The following NDST3 variants were observed in gnomAD, a reference collection of about 807,000 sequenced individuals.
NDST3 encodes the protein bifunctional heparan sulfate N-deacetylase/N-sulfotransferase 3.
In NDST3, 58 loss-of-function variants were observed where a neutral mutation model predicts 96.1. That is an observed-to-expected ratio of 0.60 (90% CI 0.49 to 0.75). The LOEUF (loss-of-function observed/expected upper bound fraction) is 0.75. Ranked by LOEUF, NDST3 falls within the 30% of genes least tolerant of loss-of-function variation. The pLI is 0.00. For missense variants in NDST3, 788 were observed against 1,034.2 expected, an observed-to-expected ratio of 0.76 and a Z score of 3.27; for synonymous variants, 333 against 359.7, an observed-to-expected ratio of 0.93 and a Z score of 0.84.
chr4:118,234,746 C>A (rs911730564), intron 9 of NDST3, among the ~76,000 whole-genome samples: 1 of 151,826 alleles, frequency 6.6e-6, no homozygotes, highest in Admixed American at 6.6e-5. Flanking sequence ...AACAAAAAGT[C>A]CAGCTGGGCA....
chr4:118,045,850 A>T (rs1201181595), intron 1 of NDST3, among the ~76,000 whole-genome samples: 1 of 152,098 alleles, frequency 6.6e-6, no homozygotes, highest in Non-Finnish European at 1.5e-5. Flanking sequence ...CTTATGTAGA[A>T]TCACAGGACC....
At chr4:118,236,874 C>T (rs1740680444) in intron 9 of NDST3, among the ~76,000 whole-genome samples, 172 bp from the exon 10 acceptor site, 1 of 152,138 alleles carries the variant, frequency 6.6e-6, no homozygotes, top group South Asian at 2.1e-4. Context: ...CTTCCAAACA[C>T]ATTATTAGTG....
chr4:118,247,640 G>A (rs977949985), intron 12 of NDST3, among the ~76,000 whole-genome samples: 8 of 152,112 alleles, frequency 5.3e-5, no homozygotes, highest in African/African-American at 9.7e-5. Context: ...GCAAAAATAT[G>A]GGTTTTGGAA....
chr4:118,137,952 GCATTTAAATATATATATTTACAGTA>G, intron 4 of NDST3, 77 bp from the exon 5 acceptor site: 1 of 940,048 alleles, frequency 1.1e-6, no homozygotes, highest in Non-Finnish European at 1.5e-6. Context: ...AAGTAATGAT[GCATTTAAATATATATATTTACAGTA>G]CATTTGAAAA....
intron 2 of NDST3, among the ~76,000 whole-genome samples, chr4:118,075,641 A>G (rs1009749889): frequency 1.3e-5 from 2 of 152,274 alleles, no homozygotes; most frequent in African/African-American, 4.8e-5. Context: ...CATTTCTCTG[A>G]TGACTAGTGA....
chr4:118,088,061 C>G (rs749105222), intron 2 of NDST3, among the ~76,000 whole-genome samples: 1 of 151,978 alleles, frequency 6.6e-6, no homozygotes, highest in Non-Finnish European at 1.5e-5. Context: ...ATAAGTGGAA[C>G]AGCTGGCAAT....
chr4:118,066,172 T>A lies in NDST3; in HGVS notation c.981+11281T>A, dbSNP rs1285927530. The stretch of plus-strand genomic sequence containing the variant: ...ATATTATATATATTATATATTATAT[T>A]TTATATATTATATATCTTATATATT... On this transcript the variant is annotated intron_variant, in intron 2 of 13. Transcript: ENST00000296499. 2.2e-3 allele frequency among the ~76,000 whole-genome samples: 49 copies of A among 22,470 alleles called. 1 individual carries two copies. The highest frequency in any genetic ancestry group is 9.5e-3 in the Admixed American group (7 of 734). 14.7% of individuals were successfully genotyped at this position (22,470 alleles called of 152,430 possible).
chr4:118,043,410 T>C (rs1724581133), intron 1 of NDST3, among the ~76,000 whole-genome samples: 1 of 152,188 alleles, frequency 6.6e-6, no homozygotes. Flanking sequence ...TCTTGGAGCT[T>C]CCAGGCATAC....
At chr4:118,138,892 T>C (rs574459935) in intron 5 of NDST3, among the ~76,000 whole-genome samples, 13 of 152,168 alleles carry the variant, frequency 8.5e-5, no homozygotes, top group African/African-American at 3.1e-4. Flanking sequence ...AATCAGAAAA[T>C]CCTAAGAAAG....
chr4:118,255,278 A>C (rs1013830016), intron 13 of NDST3, among the ~76,000 whole-genome samples: 18 of 152,196 alleles, frequency 1.2e-4, no homozygotes, highest in Admixed American at 2.6e-4. Flanking sequence ...GGAGTGGCTG[A>C]TTTTGTGAAA....
chr4:118,194,238 C>A, intron 6 of NDST3: 2 of 724,550 alleles, frequency 2.8e-6, no homozygotes, highest in Non-Finnish European at 2.5e-6. Context: ...CCTTCCAGTG[C>A]AATCTCCATG....
At chr4:118,199,955 T>G (rs1032416866) in intron 6 of NDST3, among the ~76,000 whole-genome samples, 5 of 152,194 alleles carry the variant, frequency 3.3e-5, no homozygotes, top group African/African-American at 1.2e-4. Flanking sequence ...CAAGCACCCC[T>G]GTAGCCATCA....
chr4:118,244,041 CCA>C (rs1741161275), intron 12 of NDST3, among the ~76,000 whole-genome samples: 1 of 152,168 alleles, frequency 6.6e-6, no homozygotes, highest in African/African-American at 2.4e-5. Flanking sequence ...GTCCCTGAAA[CCA>C]CAGTTTCTAT....
intron 3 of NDST3, among the ~76,000 whole-genome samples, chr4:118,113,502 A>G (rs1350849956): frequency 6.6e-6 from 1 of 152,194 alleles, no homozygotes; most frequent in Non-Finnish European, 1.5e-5. Context: ...TTGAATGACC[A>G]TGAAATCTCA....
chr4:118,064,346 C>G (rs1189916876), intron 2 of NDST3, among the ~76,000 whole-genome samples: 1 of 152,036 alleles, frequency 6.6e-6, no homozygotes, highest in Non-Finnish European at 1.5e-5. Flanking sequence ...GAATTAGTAG[C>G]TAAAGCACTT....
chr4:118,179,759 G>A (rs563692964), intron 6 of NDST3, among the ~76,000 whole-genome samples: 2 of 152,072 alleles, frequency 1.3e-5, no homozygotes, highest in Admixed American at 1.3e-4. Context: ...ACTCAAGTAA[G>A]CCTCAACATT....
At chr4:118,175,989 T>C (rs915718240) in intron 6 of NDST3, among the ~76,000 whole-genome samples, 2 of 152,246 alleles carry the variant, frequency 1.3e-5, no homozygotes, top group East Asian at 1.9e-4. Context: ...AGCCAACACA[T>C]TGCACATTCT....
chr4:118,250,792 T>A (rs1311655589), intron 12 of NDST3, among the ~76,000 whole-genome samples: 3 of 152,152 alleles, frequency 2.0e-5, no homozygotes, highest in Non-Finnish European at 4.4e-5. Context: ...CCTGTTCCAA[T>A]CTTTTATGCA....
At chr4:118,036,303 C>G (rs1457038415) in intron 1 of NDST3, among the ~76,000 whole-genome samples, 2 of 151,934 alleles carry the variant, frequency 1.3e-5, no homozygotes, top group African/African-American at 4.8e-5. Context: ...TGTTAAGATG[C>G]AAAATATATT....
Sources: allele counts gnomAD v4.1 joint callset (sites outside exome capture counted in the v4.1 genomes callset), GRCh38; gene constraint gnomAD v4.1.1; transcripts MANE v1.5; gene names NCBI Gene and HGNC (gene_info 2026-07-23, HGNC 2026-07-21).